Variants in PCNX2 observed in about 807,000 individuals in gnomAD.
The protein encoded by PCNX2 is pecanex 2, also known as pecanex-like protein 2.
A neutral mutation model predicts 223.8 loss-of-function variants in PCNX2; 168 were observed. The observed-to-expected ratio is 0.75, with a 90% CI of 0.66 to 0.85. The LOEUF is 0.85. Among genes scored for constraint, PCNX2 ranks in the 40% least tolerant of loss-of-function variants. The pLI, the probability that PCNX2 is intolerant of heterozygous loss-of-function variation, is 0.00. For missense variants in PCNX2, 2,507 were observed against 2,675.5 expected (o/e 0.94, Z 1.39); for synonymous variants, 1,006 against 1,052.6 (o/e 0.96, Z 0.86).
chr1:233,075,548 A>G (rs1233575572), intron 23 of PCNX2, among the ~76,000 whole-genome samples: 1 of 152,120 alleles, frequency 6.6e-6, no homozygotes, highest in Non-Finnish European at 1.5e-5. Flanking sequence ...GCTTGGATAG[A>G]AATCTTCTGT....
chr1:232,992,138 C>G (rs1360487104), intron 32 of PCNX2, among the ~76,000 whole-genome samples: 1 of 152,154 alleles, frequency 6.6e-6, no homozygotes, highest in Non-Finnish European at 1.5e-5. Flanking sequence ...TTCAATCTCC[C>G]CTGTCTTCTT....
At chr1:233,295,873 T>C, upstream of PCNX2, 1 of 197,504 alleles carries the variant, frequency 5.1e-6, no homozygotes, top group East Asian at 1.2e-4. This position sits in a 1 kb window ranked among gnomAD's most constrained non-coding sequence, Gnocchi z 4.1. Context: ...TCTCTTTCTC[T>C]TTTTCTCTCT....
chr1:232,986,588 A>AT, intron 32 of PCNX2, 48 bp from the exon 33 acceptor site: 1 of 1,441,160 alleles, frequency 6.9e-7, no homozygotes, highest in African/African-American at 1.4e-5. Flanking sequence ...GGTCATGAAC[A>AT]TCGATACCTG....
intron 26 of PCNX2, 106 bp from the exon 27 acceptor site, chr1:233,017,260 G>T: frequency 4.0e-6 from 3 of 744,952 alleles, no homozygotes; most frequent in South Asian, 1.9e-5. Context: ...GGTATCATTT[G>T]TATGTTCTGC....
intron 1 of PCNX2, among the ~76,000 whole-genome samples, chr1:233,278,693 A>G (rs1375663499): frequency 6.6e-6 from 1 of 152,028 alleles, no homozygotes; most frequent in Non-Finnish European, 1.5e-5. Context: ...ATAGCTGGAG[A>G]CACTTGCCCT....
chr1:233,184,256 G>C (rs775324622), intron 15 of PCNX2, among the ~76,000 whole-genome samples: 4 of 152,036 alleles, frequency 2.6e-5, no homozygotes, highest in Non-Finnish European at 5.9e-5. Context: ...AAGGGAACAA[G>C]TGTTGGCAGA....
At chr1:233,030,216 C>T (rs12063947) in intron 25 of PCNX2, among the ~76,000 whole-genome samples, 43,409 of 152,006 alleles carry the variant, frequency 0.29, 7,913 homozygotes, top group African/African-American at 0.52. Flanking sequence ...TAAGCCCACT[C>T]ACTGAATTTT....
intron 15 of PCNX2, among the ~76,000 whole-genome samples, chr1:233,181,981 T>A (rs12039298): frequency 0.059 from 8,932 of 152,256 alleles, 515 homozygotes; most frequent in East Asian, 0.31. Context: ...CTTTCGAAGG[T>A]CTGAGCTCCA....
In PCNX2 at chr1:233,000,247, T is replaced by G; in HGVS notation, c.5328+58A>C. 1 of 1,509,212 alleles carries G rather than the reference T, an allele frequency of 6.6e-7. No individual in the cohort carries two copies. Among genetic ancestry groups the G allele is most frequent in the Non-Finnish European group, 9.2e-7 (1 of 1,085,584 alleles). 93.5% of individuals were successfully genotyped at this position (1,509,212 alleles called of 1,614,324 possible). A position where few individuals can be genotyped will look rare whatever the true frequency, so the allele number is the denominator to read the frequency against. On this transcript the variant is annotated intron_variant, in intron 30 of 33. Transcript: ENST00000258229. This position sits in a 1 kb window ranked among gnomAD's most constrained non-coding sequence, Gnocchi z 4.6. ...CCCCCCTGCCCACCACCATTCTATT[T>G]CTTCTCAGATAGAGAGACACGAGCC...
chr1:233,116,929 T>A (rs908038263), intron 21 of PCNX2, among the ~76,000 whole-genome samples: 1 of 151,954 alleles, frequency 6.6e-6, no homozygotes, highest in East Asian at 1.9e-4. Context: ...AAATTAATAA[T>A]ATCAGGAGTG....
intron 1 of PCNX2, among the ~76,000 whole-genome samples, chr1:233,288,290 A>C (rs1218235395): frequency 6.6e-6 from 1 of 152,212 alleles, no homozygotes; most frequent in Non-Finnish European, 1.5e-5. Flanking sequence ...AGTATTAGAC[A>C]TTACCCTTGG....
At chr1:233,226,430 C>T (rs1048867294) in intron 10 of PCNX2, among the ~76,000 whole-genome samples, 6 of 152,090 alleles carry the variant, frequency 3.9e-5, no homozygotes, top group Admixed American at 6.5e-5. Flanking sequence ...CCACCACACC[C>T]GGCTAATTTT....
At chr1:233,108,803 C>T (rs1208700494) in intron 21 of PCNX2, among the ~76,000 whole-genome samples, 1 of 152,200 alleles carries the variant, frequency 6.6e-6, no homozygotes, top group Non-Finnish European at 1.5e-5. Flanking sequence ...CCCAGGATTA[C>T]AGACAGGGGA....
At chr1:233,075,126 T>G (rs914491334) in intron 23 of PCNX2, among the ~76,000 whole-genome samples, 2 of 152,158 alleles carry the variant, frequency 1.3e-5, no homozygotes, top group Non-Finnish European at 2.9e-5. Context: ...TAAAAACCTA[T>G]AAACAAGTGT....
rs1333567496 is a variant in PCNX2, at chr1:233,223,786, T to C, written c.2504+3440A>G. ...ACAGGATTTTTAAGGATGAGAGCTATAAGTGTGTGTTCTCATGGTAACTGA... is the reference window on the plus strand; with the variant it reads ...ACAGGATTTTTAAGGATGAGAGCTACAAGTGTGTGTTCTCATGGTAACTGA... On this transcript the variant is annotated intron_variant, in intron 10 of 33. Coordinates refer to ENST00000258229, the MANE Select transcript of PCNX2 (RefSeq NM_014801.4). 2.0e-5 allele frequency among the ~76,000 whole-genome samples: 3 copies of C among 152,224 alleles called. No individual in the cohort carries two copies. The South Asian group carries it at 6.2e-4, about 32-fold the overall frequency.
intron 28 of PCNX2, among the ~76,000 whole-genome samples, chr1:233,010,699 T>A (rs1323906190): frequency 6.6e-6 from 1 of 152,236 alleles, no homozygotes; most frequent in Non-Finnish European, 1.5e-5. Flanking sequence ...CTAAAAAATA[T>A]AAGTGTCTTC....
chr1:233,181,697 G>A (rs912669517), intron 15 of PCNX2, among the ~76,000 whole-genome samples: 1 of 152,174 alleles, frequency 6.6e-6, no homozygotes, highest in African/African-American at 2.4e-5. Context: ...GAGAAGGTTT[G>A]TTGTCTGGGG....
chr1:233,203,044 A>ATATATATATATAT, intron 13 of PCNX2, among the ~76,000 whole-genome samples: 1 of 152,194 alleles, frequency 6.6e-6, no homozygotes, highest in South Asian at 2.1e-4. Flanking sequence ...TTATGGCTAC[A>ATATATATATATAT]AAAGAGAATA....
chr1:233,049,361 A>AGAATATATT (rs1671919667), intron 25 of PCNX2, among the ~76,000 whole-genome samples: 2 of 152,350 alleles, frequency 1.3e-5, no homozygotes, highest in African/African-American at 2.4e-5. Flanking sequence ...GATTCATCAC[A>AGAATATATT]TAAACAGAAT....
Sources: allele counts gnomAD v4.1 joint callset (sites outside exome capture counted in the v4.1 genomes callset), GRCh38; gene constraint gnomAD v4.1.1; non-coding constraint Gnocchi (gnomAD v3.1); transcripts MANE v1.5; gene names NCBI Gene and HGNC (gene_info 2026-07-23, HGNC 2026-07-21).